TLE2: variants seen among roughly 807,000 people sequenced by gnomAD.
The protein encoded by TLE2 is transducin-like enhancer protein 2.
A neutral mutation model predicts 97.2 loss-of-function variants in TLE2; 74 were observed. The ratio of observed to expected loss-of-function variants is 0.76; its 90% confidence interval spans 0.63 to 0.92. The LOEUF is 0.92. TLE2 is among the 40% of genes least tolerant of loss of function. The pLI is 0.00. For synonymous variants in TLE2, 499 were observed against 432.1 expected (o/e 1.15, Z -1.92); for missense variants, 1,038 against 1,008.7 (o/e 1.03, Z -0.39).
chr19:3,026,488 T>G (rs915664653), intron 4 of TLE2, among the ~76,000 whole-genome samples: 10 of 150,256 alleles, frequency 6.7e-5, no homozygotes, highest in Non-Finnish European at 1.3e-4. Flanking sequence ...AATCTTTAGG[T>G]CTATCTCAGA....
At chr19:3,038,820 G>A (rs1052539433) in intron 1 of TLE2, among the ~76,000 whole-genome samples, 10 of 152,150 alleles carry the variant, frequency 6.6e-5, no homozygotes, top group African/African-American at 1.7e-4. Context: ...TGAGGCGGGC[G>A]GATCACCTGA....
At chr19:3,030,785 C>CA (rs907007282), upstream of TLE2, among the ~76,000 whole-genome samples, 4 of 151,824 alleles carry the variant, frequency 2.6e-5, no homozygotes, top group Admixed American at 6.6e-5. Flanking sequence ...TGTATCTCTA[C>CA]AAAAAATACA....
At position 3,009,577 on chromosome 19, in the gene TLE2, C is replaced by T. The variant is rs1187351559; in HGVS notation, c.1138G>A (p.Val380Ile). Reference protein sequence around the residue: ...SYVSLHLSPQVSSSVVYGRSP... With the variant: ...SYVSLHLSPQISSSVVYGRSP... ...CGTCCGTACACCACAGAGCTGCTGACCTGGGGGGACAGGTGGAGGCTGACG... is the reference window on the plus strand; with the variant it reads ...CGTCCGTACACCACAGAGCTGCTGATCTGGGGGGACAGGTGGAGGCTGACG... The change falls in exon 13 of 20, where the codon GTC becomes ATC. Residue 380 changes from valine (V) to isoleucine (I), a missense_variant. Physicochemically the swap from Val to Ile is conservative, Grantham distance 29 (BLOSUM62 3). Coordinates refer to ENST00000262953, the MANE Select transcript of TLE2 (RefSeq NM_003260.5). The T allele has an allele frequency of 1.9e-6, 3 of 1,613,242 alleles. No individual in the cohort carries two copies. The African/African-American group carries it at 4.0e-5, about 22-fold the overall frequency.
intron 17 of TLE2, among the ~76,000 whole-genome samples, chr19:3,003,215 CAGGGAGGAGGGAGAGAGG>C (rs1939563912): frequency 1.3e-5 from 2 of 152,148 alleles, no homozygotes; most frequent in African/African-American, 4.8e-5. Flanking sequence ...CACAACAGCA[CAGGGAGGAGGGAGAGAGG>C]AGGGAGGAGG....
At chr19:3,005,046 G>T (rs568544742) in intron 17 of TLE2, among the ~76,000 whole-genome samples, 22 of 152,030 alleles carry the variant, frequency 1.4e-4, no homozygotes, top group African/African-American at 5.3e-4. Flanking sequence ...TGTCCTCCTG[G>T]CCAGTAGCTC....
At position 3,005,790 on chromosome 19, in the gene TLE2, T is replaced by C. The variant is rs770500903; in HGVS notation, c.1679A>G (p.Lys560Arg). ...ATCGCTGCAGCAGGAGAAGCAAACC[T>C]TGGCGTCGGGGCTGACGGCCAGGGC... ...CYALAVSPDA[K>R]VCFSCCSDGN... The change falls in exon 16 of 20, where the codon AAG (lysine) becomes AGG (arginine). Residue 560 changes from lysine to arginine, a missense_variant. By Grantham distance (26) the Lys-to-Arg change is conservative. Coordinates refer to ENST00000262953, the MANE Select transcript of TLE2 (RefSeq NM_003260.5). The C allele has an allele frequency of 2.5e-6, 4 of 1,613,926 alleles. No homozygotes were observed. The highest frequency in any genetic ancestry group is 3.4e-6 in the Non-Finnish European group (4 of 1,179,858).
At chr19:3,009,393 C>T in intron 13 of TLE2, 149 bp downstream of exon 13, 2 of 964,664 alleles carry the variant, frequency 2.1e-6, no homozygotes, top group Non-Finnish European at 1.4e-6. Flanking sequence ...ACTGAGACCC[C>T]CAGATTGTCT....
At chr19:3,025,823 G>T (rs563510567) in intron 4 of TLE2, among the ~76,000 whole-genome samples, 26 of 152,074 alleles carry the variant, frequency 1.7e-4, no homozygotes, top group African/African-American at 5.5e-4. Flanking sequence ...ATAAAGGGGG[G>T]TCTATTGCGT....
At chr19:3,041,008 TA>T (rs2090097378) in intron 1 of TLE2, among the ~76,000 whole-genome samples, 18 of 41,238 alleles carry the variant, frequency 4.4e-4, no homozygotes, top group African/African-American at 2.3e-3. Flanking sequence ...TATATATATA[TA>T]TATATTTTTT....
At chr19:3,004,157 C>T (rs2089425435) in intron 17 of TLE2, among the ~76,000 whole-genome samples, 1 of 152,174 alleles carries the variant, frequency 6.6e-6, no homozygotes, top group African/African-American at 2.4e-5. Context: ...GACTGGAGGG[C>T]TTCAAATGTC....
chr19:3,040,047 AAGCAG>A lies in TLE2; in HGVS notation c.63+5674_63+5678del, dbSNP rs2145231306. 1.3e-5 allele frequency among the ~76,000 whole-genome samples: 2 copies of A among 152,330 alleles called. 1 individual carries two copies. The highest frequency in any genetic ancestry group is 3.9e-4 in the East Asian group (2 of 5,184). On this transcript the variant is annotated intron_variant, in intron 1 of 18. Transcript: ENST00000426948. ...CCAGCGGGGACAATTTGGGGTGCGG[AAGCAG>A]AGCTGGGGCTGGCACCACAGACAAA...
upstream of TLE2, among the ~76,000 whole-genome samples, chr19:3,031,757 G>A (rs1442485323): frequency 6.6e-6 from 1 of 152,114 alleles, no homozygotes; most frequent in Non-Finnish European, 1.5e-5. Context: ...TACCTGGAAT[G>A]CTTTTCCCTT....
Position 3,043,938 on chromosome 19 carries a change from C to T in TLE2, c.63+1788G>A, listed in dbSNP as rs150528416. On this transcript the variant is annotated intron_variant, in intron 1 of 18. Transcript: ENST00000426948. ...GGCAGAGGTTGCAGTGAGCCAAGAT[C>T]GCACCACTGCACTCCAGCCTCGGCG... Among the ~76,000 whole-genome samples, 550 of 152,168 alleles carry T rather than the reference C, an allele frequency of 3.6e-3. 3 individuals carry two copies. Among genetic ancestry groups the T allele is most frequent in the African/African-American group, 0.012 (504 of 41,532 alleles).
Position 3,019,792 on chromosome 19 carries a change from C to G in TLE2, c.295-19G>C. ...GCTGATGCTGGCGGGTGGAAGGGAT[C>G]AGGTAGAGGGTACATTGAGCCCCTG... On this transcript the variant is annotated intron_variant, in intron 5 of 19. Transcript: ENST00000262953. The surrounding 1 kb of genome is among the most constrained non-coding windows in gnomAD (Gnocchi z 5.1). 1 of 1,608,042 alleles carries G rather than the reference C, an allele frequency of 6.2e-7. No homozygotes were observed. Among genetic ancestry groups the G allele is most frequent in the Non-Finnish European group, 8.5e-7 (1 of 1,177,688 alleles).
upstream of TLE2, among the ~76,000 whole-genome samples, chr19:3,032,173 C>A (rs556884575): frequency 2.2e-4 from 33 of 152,200 alleles, 1 homozygote; most frequent in South Asian, 6.9e-3. The surrounding 1 kb of genome is among the most constrained non-coding windows in gnomAD (Gnocchi z 4.1). Flanking sequence ...CTCAGGTGAT[C>A]CACCTGCCTC....
At chr19:2,999,833 G>C (rs1056799033) in intron 19 of TLE2, among the ~76,000 whole-genome samples, 3 of 150,556 alleles carry the variant, frequency 2.0e-5, no homozygotes, top group Non-Finnish European at 4.4e-5. Context: ...AGGAGTTTGA[G>C]ACCAGCCTAG....
intron 14 of TLE2, 134 bp downstream of exon 14, chr19:3,008,735 A>G: frequency 3.4e-6 from 2 of 592,404 alleles, no homozygotes; most frequent in Non-Finnish European, 5.2e-6. Context: ...ACAGGAGTGA[A>G]CCACTGTGCC....
intron 5 of TLE2, among the ~76,000 whole-genome samples, chr19:3,021,114 A>AAAAAGG (rs752326503): frequency 2.2e-5 from 1 of 45,446 alleles, no homozygotes; most frequent in African/African-American, 8.4e-5. Flanking sequence ...AAAAAAAAAA[A>AAAAAGG]GGGGGGGGGG....
chr19:2,999,908 C>T (rs1293502122), intron 19 of TLE2, among the ~76,000 whole-genome samples: 1 of 149,628 alleles, frequency 6.7e-6, no homozygotes, highest in Non-Finnish European at 1.5e-5. Flanking sequence ...TGGTACATGC[C>T]TGTAATCCCA....
Sources: gnomAD v4.1 joint callset for allele counts (sites outside exome capture counted in the v4.1 genomes callset) on GRCh38, gnomAD v4.1.1 for gene constraint, Gnocchi (gnomAD v3.1) non-coding constraint, MANE v1.5 for transcripts, NCBI Gene and HGNC (gene_info 2026-07-23, HGNC 2026-07-21) for gene names.